Variants in SLC25A30 observed in about 807,000 individuals in gnomAD.
SLC25A30 encodes solute carrier family 25 member 30, also known as kidney mitochondrial carrier protein 1.
A neutral mutation model predicts 42.7 loss-of-function variants in SLC25A30; 29 were observed. The observed-to-expected ratio is 0.68, with a 90% CI of 0.51 to 0.93. SLC25A30 has a LOEUF of 0.93. Ranked by LOEUF, SLC25A30 falls within the 40% of genes least tolerant of loss-of-function variation. The pLI is 0.00. For synonymous variants in SLC25A30, 124 were observed against 131.0 expected (o/e 0.95, Z 0.37); for missense variants, 300 against 359.7 (o/e 0.83, Z 1.34).
Position 45,408,930 on chromosome 13 carries a change from G to A in SLC25A30, c.209C>T (p.Ser70Leu), listed in dbSNP as rs1029928425. The A allele has an allele frequency of 1.1e-5, 17 of 1,607,496 alleles. No homozygotes were observed. Among genetic ancestry groups the A allele is most frequent in the Admixed American group, 3.4e-5 (2 of 58,706 alleles). The part of the protein sequence containing the change: ...GREEGLKALY[S>L]GIAPAMLRQA... ...AAATGCATGAAGGCCTACTCACCCCGAGTAGAGTGCTTTCAGCCCTTCTTC... is the reference window on the plus strand; with the variant it reads ...AAATGCATGAAGGCCTACTCACCCCAAGTAGAGTGCTTTCAGCCCTTCTTC... The change falls in exon 3 of 10, where the codon TCG becomes TTG. Residue 70 changes from serine (S) to leucine (L), a missense_variant. Coordinates refer to ENST00000519676, the MANE Select transcript of SLC25A30 (RefSeq NM_001010875.4).
At chr13:45,414,152 T>C (rs1883272628) in intron 1 of SLC25A30, among the ~76,000 whole-genome samples, 1 of 152,220 alleles carries the variant, frequency 6.6e-6, no homozygotes, top group Non-Finnish European at 1.5e-5. Context: ...AAAAGTTAGC[T>C]AGTCAGGAGG....
intron 2 of SLC25A30, among the ~76,000 whole-genome samples, chr13:45,409,691 C>T (rs552423323): frequency 6.6e-6 from 1 of 152,148 alleles, no homozygotes; most frequent in Non-Finnish European, 1.5e-5. Context: ...CACCTGTAAC[C>T]CCAGCTACTC....
Position 45,393,919 on chromosome 13 carries a change from G to C in SLC25A30, c.*2055C>G. The C allele has an allele frequency of 1.0e-6, 1 of 985,054 alleles. No homozygotes were observed. Among genetic ancestry groups the C allele is most frequent in the Non-Finnish European group, 1.2e-6 (1 of 829,850 alleles). 61.0% of individuals were successfully genotyped at this position (985,054 alleles called of 1,614,324 possible). ...ACTGTCTGACATTCGCTCTTTACATGGTCATTAAAATGAATTTGCTTCTAC... is the reference window on the plus strand; with the variant it reads ...ACTGTCTGACATTCGCTCTTTACATCGTCATTAAAATGAATTTGCTTCTAC... On this transcript the variant is annotated 3_prime_UTR_variant, in exon 10 of 10. Coordinates refer to ENST00000519676, the MANE Select transcript of SLC25A30 (RefSeq NM_001010875.4).
At chr13:45,424,441 A>ATATAAAAATG in the SLC25A30 span, among the ~76,000 whole-genome samples, 2 of 72,108 alleles carry the variant, frequency 2.8e-5, no homozygotes, top group Non-Finnish European at 4.9e-5. Flanking sequence ...ATATATAAAT[A>ATATAAAAATG]TATAAAAATA....
chr13:45,397,574 T>TA, intron 8 of SLC25A30: 3 of 331,320 alleles, frequency 9.1e-6, no homozygotes, highest in Admixed American at 4.6e-5. Context: ...CAGGCGCCTG[T>TA]AGTCCCAGCT....
chr13:45,423,111 T>C (rs1345185852), upstream of SLC25A30, among the ~76,000 whole-genome samples: 1 of 152,156 alleles, frequency 6.6e-6, no homozygotes, highest in East Asian at 1.9e-4. Context: ...GTGCTCAGCA[T>C]AGCACCTGGC....
upstream of SLC25A30, among the ~76,000 whole-genome samples, chr13:45,422,071 C>T (rs1305053895): frequency 6.6e-6 from 1 of 152,182 alleles, no homozygotes; most frequent in African/African-American, 2.4e-5. Context: ...AGCTGGGCAG[C>T]AGGAACCATT....
Position 45,394,520 on chromosome 13 carries a change from G to C in SLC25A30, c.*1454C>G, listed in dbSNP as rs1421773025. The C allele has an allele frequency of 1.0e-6, 1 of 985,222 alleles. No individual in the cohort carries two copies. Among genetic ancestry groups the C allele is most frequent in the Non-Finnish European group, 1.2e-6 (1 of 829,924 alleles). The allele number at this position is 985,222 out of a possible 1,614,324, so 61.0% of individuals were successfully genotyped here. A position where few individuals can be genotyped will look rare whatever the true frequency, so the allele number is the denominator to read the frequency against. ...CATGTATTTAATGTTGTTCTCAAAG[G>C]GGGAACTGAAGAGACCCAAATAAAT... On this transcript the variant is annotated 3_prime_UTR_variant, in exon 10 of 10. Transcript: ENST00000519676.
the SLC25A30 span, among the ~76,000 whole-genome samples, chr13:45,423,624 A>ATATAAAAATATATATAAATATATATT: frequency 1.3e-5 from 1 of 75,380 alleles, no homozygotes; most frequent in Non-Finnish European, 2.4e-5. Context: ...TAAAATATAT[A>ATATAAAAATATATATAAATATATATT]TATATAAATA....
intron 8 of SLC25A30, 160 bp from the exon 9 acceptor site, chr13:45,397,498 C>T (rs950525699): frequency 7.5e-6 from 4 of 534,832 alleles, no homozygotes; most frequent in Admixed American, 6.6e-5. Context: ...CAAGACCATC[C>T]TGGCTAATGC....
At chr13:45,423,703 A>AACATATATAAATATATATAAAT in the SLC25A30 span, among the ~76,000 whole-genome samples, 1 of 3,004 alleles carries the variant, frequency 3.3e-4, no homozygotes. Flanking sequence ...TAAATATATA[A>AACATATATAAATATATATAAAT]ATATATAAAC....
intron 9 of SLC25A30, chr13:45,396,469 C>T (rs1333331311): frequency 1.6e-5 from 8 of 515,158 alleles, no homozygotes; most frequent in Non-Finnish European, 2.0e-5. Context: ...ATCACTCTGC[C>T]CTTCAGTGTC....
At chr13:45,425,686 A>G in the SLC25A30 span, among the ~76,000 whole-genome samples, 2 of 126,296 alleles carry the variant, frequency 1.6e-5, no homozygotes, top group Non-Finnish European at 3.3e-5. Context: ...ATATATAAAT[A>G]TATATACACA....
chr13:45,428,822 C>T, the SLC25A30 span, among the ~76,000 whole-genome samples: 303 of 150,378 alleles, frequency 2.0e-3, 4 homozygotes, highest in African/African-American at 7.1e-3. Flanking sequence ...CACCTGGCCT[C>T]TTTTTAACTT....
chr13:45,423,605 A>C, the SLC25A30 span, among the ~76,000 whole-genome samples: 2 of 106,670 alleles, frequency 1.9e-5, 1 homozygote, highest in Non-Finnish European at 3.5e-5. Flanking sequence ...ATATATATAT[A>C]AATATATATA....
the SLC25A30 span, among the ~76,000 whole-genome samples, chr13:45,424,828 A>T: frequency 3.5e-5 from 2 of 57,598 alleles, no homozygotes; most frequent in African/African-American, 1.5e-4. Context: ...ATATATAAAA[A>T]TATATATATA....
chr13:45,426,463 C>T, the SLC25A30 span, among the ~76,000 whole-genome samples: 17 of 152,250 alleles, frequency 1.1e-4, no homozygotes, highest in Non-Finnish European at 2.2e-4. Context: ...TCCTCCCGGG[C>T]CCTAAAGAGT....
At chr13:45,406,780 C>A (rs949700285) in intron 3 of SLC25A30, among the ~76,000 whole-genome samples, 4 of 152,132 alleles carry the variant, frequency 2.6e-5, no homozygotes, top group Non-Finnish European at 5.9e-5. Context: ...CACTGTTTAC[C>A]CTTTGTCCTA....
At chr13:45,419,161 T>G (rs1181473858), upstream of SLC25A30, among the ~76,000 whole-genome samples, 1 of 139,398 alleles carries the variant, frequency 7.2e-6, no homozygotes, top group South Asian at 2.2e-4. Context: ...AGAAAGAAAA[T>G]GTCCAAACAG....
Sources: allele counts gnomAD v4.1 joint callset (sites outside exome capture counted in the v4.1 genomes callset), GRCh38; gene constraint gnomAD v4.1.1; transcripts MANE v1.5; gene names NCBI Gene and HGNC (gene_info 2026-07-23, HGNC 2026-07-21).